Variants in PRDM16 observed in about 807,000 individuals in gnomAD.
PRDM16 encodes PR/SET domain 16.
A neutral mutation model predicts 110.6 loss-of-function variants in PRDM16; 23 were observed. That is an observed-to-expected ratio of 0.21 (90% CI 0.15 to 0.29). The LOEUF (loss-of-function observed/expected upper bound fraction) is 0.29. Ranked by LOEUF, PRDM16 falls within the 10% of genes least tolerant of loss-of-function variation. PRDM16 has a pLI of 1.00. For synonymous variants in PRDM16, 799 were observed against 781.8 expected, an observed-to-expected ratio of 1.02 and a Z score of -0.37; for missense variants, 1,615 against 1,794.3, an observed-to-expected ratio of 0.90 and a Z score of 1.81.
chr1:3,116,387 G>A lies in PRDM16; in HGVS notation c.37+47091G>A, dbSNP rs74050107. On this transcript the variant is annotated intron_variant, in intron 1 of 16. Coordinates refer to ENST00000270722, the MANE Select transcript of PRDM16 (RefSeq NM_022114.4). ...AATGACGGGGGGGACGCGGGTTCAC[G>A]GGTGGCCTGGAGACGTGGCACCGTA... Among the ~76,000 whole-genome samples, 334 of 152,262 alleles carry A rather than the reference G, an allele frequency of 2.2e-3. 2 individuals are homozygous for A. Among genetic ancestry groups the A allele is most frequent in the African/African-American group, 7.5e-3 (312 of 41,564 alleles).
intron 2 of PRDM16, among the ~76,000 whole-genome samples, chr1:3,216,545 G>C (rs577635460): frequency 1.3e-5 from 2 of 152,200 alleles, no homozygotes; most frequent in Non-Finnish European, 2.9e-5. Flanking sequence ...GCTGTCCCCC[G>C]CCGAACCAGG....
rs35210583 is a variant in PRDM16, at chr1:3,394,848, A to ATTT, written c.574-1634_574-1632dup. 3.3e-3 allele frequency among the ~76,000 whole-genome samples: 503 copies of ATTT among 151,110 alleles called. 1 individual carries two copies. Among genetic ancestry groups the ATTT allele is most frequent in the African/African-American group, 7.2e-3 (296 of 41,228 alleles). On this transcript the variant is annotated intron_variant, in intron 4 of 16. Transcript: ENST00000270722. ...GAGACAATGATTCAGCCACTGTGTG[A>ATTT]TTTTTTTTTTTGATAAGATGATACA...
In PRDM16 at chr1:3,411,556, G is replaced by A. The variant is rs749676367; in HGVS notation, c.1359G>A (p.Pro453=). ...GCGAGGGCAAGAACCATTACACGCC[G>A]GGCGGCATCTTTGCCCCGGGCCTGC... ...RFCEGKNHYT[P]GGIFAPGLPL... The change falls in exon 9 of 17, where the codon CCG becomes CCA. Residue 453 remains proline, a synonymous_variant. Coordinates refer to ENST00000270722, the MANE Select transcript of PRDM16 (RefSeq NM_022114.4). 1.1e-5 allele frequency: 17 copies of A among 1,613,956 alleles called. No individual in the cohort carries two copies. Among genetic ancestry groups the A allele is most frequent in the African/African-American group, 5.3e-5 (4 of 74,914 alleles).
At chr1:3,310,251 C>T (rs964185250) in intron 3 of PRDM16, among the ~76,000 whole-genome samples, 3 of 152,164 alleles carry the variant, frequency 2.0e-5, no homozygotes, top group South Asian at 2.1e-4. Flanking sequence ...GACACCTGCC[C>T]GGCACACTCT....
chr1:3,083,905 G>A (rs961886225), intron 1 of PRDM16, among the ~76,000 whole-genome samples: 1 of 152,222 alleles, frequency 6.6e-6, no homozygotes, highest in East Asian at 1.9e-4. Flanking sequence ...CATGGAACAC[G>A]TGGTTGACAC....
In PRDM16 at chr1:3,243,688, TAG is replaced by T. The variant is rs1164242200; in HGVS notation, c.388-396_388-395del. ...CGGCGGAACTTGGAGGAAACACAAATAGAGTCTGTTCACCATCCAGGGTGTCC... is the reference window on the plus strand; with the variant it reads ...CGGCGGAACTTGGAGGAAACACAAATAGTCTGTTCACCATCCAGGGTGTCC... On this transcript the variant is annotated intron_variant, in intron 2 of 16. Coordinates refer to ENST00000270722, the MANE Select transcript of PRDM16 (RefSeq NM_022114.4). This position sits in a 1 kb window ranked among gnomAD's most constrained non-coding sequence, Gnocchi z 5.5. Among the ~76,000 whole-genome samples the T allele has an allele frequency of 6.6e-6, 1 of 152,142 alleles. No homozygotes were observed. Among genetic ancestry groups the T allele is most frequent in the African/African-American group, 2.4e-5 (1 of 41,410 alleles).
At chr1:3,297,998 G>C (rs959679710) in intron 3 of PRDM16, among the ~76,000 whole-genome samples, 13 of 152,298 alleles carry the variant, frequency 8.5e-5, no homozygotes, top group African/African-American at 2.9e-4. Context: ...AGCTCCGCAG[G>C]GGAAGGCTCT....
rs2483216 is a variant in PRDM16, at chr1:3,390,156, G to T, written c.573+4870G>T. Among the ~76,000 whole-genome samples, 4,307 of 152,296 alleles carry T rather than the reference G, an allele frequency of 0.028. 206 individuals are homozygous for T. The highest frequency in any genetic ancestry group is 0.097 in the African/African-American group (4,026 of 41,554). On this transcript the variant is annotated intron_variant, in intron 4 of 16. Coordinates refer to ENST00000270722, the MANE Select transcript of PRDM16 (RefSeq NM_022114.4). This position sits in a 1 kb window ranked among gnomAD's most constrained non-coding sequence, Gnocchi z 5.0. ...GAGCTTGGCGATGAAGCGCCTGCGG[G>T]GGGATGCGGGAGGCAGGGAGGAGCT...
intron 3 of PRDM16, among the ~76,000 whole-genome samples, chr1:3,373,024 A>G (rs538985951): frequency 6.6e-6 from 1 of 152,312 alleles, no homozygotes; most frequent in East Asian, 1.9e-4. Flanking sequence ...TTGTTATATC[A>G]GCAGCTTGGG....
intron 10 of PRDM16, among the ~76,000 whole-genome samples, chr1:3,414,859 C>T (rs1162583271): frequency 6.6e-6 from 1 of 152,138 alleles, no homozygotes; most frequent in Non-Finnish European, 1.5e-5. Context: ...GTGACCCTCA[C>T]AGGGCCACCC....
Position 3,412,087 on chromosome 1 carries a change from C to G in PRDM16, c.1890C>G (p.Asp630Glu). The change falls in exon 9 of 17, where the codon GAC (aspartate) becomes GAG (glutamate). Residue 630 changes from aspartate to glutamate, a missense_variant. Asp to Glu is a conservative substitution (Grantham distance 45, BLOSUM62 2). This residue lies in a region of PRDM16 where 772 missense variants were observed against 748.3 expected (regional missense o/e 1.03). Coordinates refer to ENST00000270722, the MANE Select transcript of PRDM16 (RefSeq NM_022114.4). ...GTGSDLDSDVDSDPDKDKGKG... is the reference protein window; with the variant it reads ...GTGSDLDSDVESDPDKDKGKG... ...GCTCGGACCTGGACAGCGACGTGGA[C>G]AGCGACCCTGACAAGGACAAGGGCA... The G allele has an allele frequency of 6.3e-7, 1 of 1,592,088 alleles. No homozygotes were observed.
intron 1 of PRDM16, among the ~76,000 whole-genome samples, chr1:3,094,189 C>T (rs915291608): frequency 2.6e-5 from 4 of 152,220 alleles, no homozygotes; most frequent in Admixed American, 6.5e-5. Context: ...GAACTCTCGC[C>T]GCCCAGGCCT....
intron 1 of PRDM16, among the ~76,000 whole-genome samples, chr1:3,104,727 C>T (rs1437686156): frequency 1.3e-5 from 2 of 152,006 alleles, no homozygotes; most frequent in African/African-American, 2.4e-5. Context: ...TTCCTTGGAG[C>T]CCCCACCTCC....
At chr1:3,278,048 G>C (rs1640630944) in intron 3 of PRDM16, among the ~76,000 whole-genome samples, 1 of 152,226 alleles carries the variant, frequency 6.6e-6, no homozygotes, top group Non-Finnish European at 1.5e-5. Context: ...TTGTAACCAA[G>C]AACTGTGTCT....
chr1:3,094,885 TCTTC>T (rs149879720), intron 1 of PRDM16, among the ~76,000 whole-genome samples: 26,292 of 152,058 alleles, frequency 0.17, 2,823 homozygotes, highest in Admixed American at 0.33. Flanking sequence ...GCCAGGTGTG[TCTTC>T]CTTCCTGGTC....
chr1:3,079,087 C>T (rs1641960795), intron 1 of PRDM16, among the ~76,000 whole-genome samples: 1 of 152,270 alleles, frequency 6.6e-6, no homozygotes, highest in South Asian at 2.1e-4. Flanking sequence ...TCTCCGACGG[C>T]TCCGGGCATT....
intron 2 of PRDM16, among the ~76,000 whole-genome samples, chr1:3,215,513 G>T (rs1263331239): frequency 6.7e-6 from 1 of 150,140 alleles, no homozygotes; most frequent in Non-Finnish European, 1.5e-5. Flanking sequence ...GAGTGGTGCA[G>T]GAAGGAAGGT....
At chr1:3,297,717 CCA>C (rs1025317497) in intron 3 of PRDM16, among the ~76,000 whole-genome samples, 2 of 152,128 alleles carry the variant, frequency 1.3e-5, no homozygotes, top group Non-Finnish European at 1.5e-5. Context: ...CGACTCCTGC[CCA>C]CAACACCACA....
In PRDM16 at chr1:3,389,949, G is replaced by GCCCCCCCCCC. The variant is rs70938087; in HGVS notation, c.573+4670_573+4679dup. On this transcript the variant is annotated intron_variant, in intron 4 of 16. Coordinates refer to ENST00000270722, the MANE Select transcript of PRDM16 (RefSeq NM_022114.4). ...TCTCCATGCACTTTTCTGGGGGTGC[G>GCCCCCCCCCC]CCCCCCCCCCCCCCCCACCCTCTGG... 2.4e-3 allele frequency among the ~76,000 whole-genome samples: 257 copies of GCCCCCCCCCC among 107,014 alleles called. 1 individual carries two copies. Among genetic ancestry groups the GCCCCCCCCCC allele is most frequent in the Middle Eastern group, 4.9e-3 (1 of 204 alleles). The allele number at this position is 107,014 out of a possible 152,430, so 70.2% of individuals were successfully genotyped here. A position where few individuals can be genotyped will look rare whatever the true frequency, so the allele number is the denominator to read the frequency against.
Sources: gnomAD v4.1 joint callset for allele counts (sites outside exome capture counted in the v4.1 genomes callset) on GRCh38, gnomAD v4.1.1 for gene constraint, gnomAD v4.1.1 regional missense constraint, Gnocchi (gnomAD v3.1) non-coding constraint, MANE v1.5 for transcripts, NCBI Gene and HGNC (gene_info 2026-07-23, HGNC 2026-07-21) for gene names.